The following SEC14L1 variants were observed in gnomAD, a reference collection of about 807,000 sequenced individuals.
The protein encoded by SEC14L1 is SEC14 like lipid binding 1, also known as SEC14-like protein 1.
A neutral mutation model predicts 85.3 loss-of-function variants in SEC14L1; 48 were observed. The observed-to-expected ratio is 0.56, with a 90% CI of 0.45 to 0.72. The LOEUF (loss-of-function observed/expected upper bound fraction) is 0.72, where lower values mean the gene tolerates loss of function less well. Among genes scored for constraint, SEC14L1 ranks in the 30% least tolerant of loss-of-function variants. SEC14L1 has a pLI of 0.00. For synonymous variants in SEC14L1, 391 were observed against 355.5 expected (o/e 1.10, Z -1.12); for missense variants, 682 against 921.4 (o/e 0.74, Z 3.36).
chr17:77,150,802 C>T (rs1230657082), intron 3 of SEC14L1, among the ~76,000 whole-genome samples: 2 of 152,206 alleles, frequency 1.3e-5, no homozygotes, highest in African/African-American at 4.8e-5. Flanking sequence ...CATCCATCCG[C>T]CCACCCGTAC....
At chr17:77,174,036 G>T (rs751238390) in intron 3 of SEC14L1, among the ~76,000 whole-genome samples, 1 of 151,986 alleles carries the variant, frequency 6.6e-6, no homozygotes, top group Non-Finnish European at 1.5e-5. Context: ...AAGTAGCTGG[G>T]ACTACAGGCA....
chr17:77,118,587 G>A (rs1031585970), intron 3 of SEC14L1, among the ~76,000 whole-genome samples: 1 of 152,210 alleles, frequency 6.6e-6, no homozygotes. Flanking sequence ...TCCAATGTAC[G>A]GAGCACTCCA....
intron 3 of SEC14L1, among the ~76,000 whole-genome samples, chr17:77,180,201 T>G (rs1170437000): frequency 6.6e-6 from 1 of 151,620 alleles, no homozygotes. Context: ...CCTCCTGGTT[T>G]CAAGCGATTC....
chr17:77,162,381 AT>A (rs1490620677), intron 3 of SEC14L1, among the ~76,000 whole-genome samples: 2 of 152,344 alleles, frequency 1.3e-5, no homozygotes, highest in East Asian at 3.9e-4. Flanking sequence ...TTTGACAGCC[AT>A]TTTAATTGAA....
intron 3 of SEC14L1, among the ~76,000 whole-genome samples, chr17:77,115,931 T>TA: frequency 7.0e-6 from 1 of 143,542 alleles, no homozygotes; most frequent in South Asian, 2.2e-4. Flanking sequence ...TTTTTTTTTT[T>TA]AAATTTTGAG....
intron 3 of SEC14L1, among the ~76,000 whole-genome samples, chr17:77,163,022 C>T (rs983905337): frequency 3.9e-5 from 6 of 152,056 alleles, no homozygotes; most frequent in African/African-American, 7.2e-5. Flanking sequence ...CAGGGGAGTT[C>T]GGTATGCCAT....
chr17:77,137,310 C>G (rs866289414), upstream of SEC14L1, among the ~76,000 whole-genome samples: 6 of 152,120 alleles, frequency 3.9e-5, no homozygotes, highest in Non-Finnish European at 8.8e-5. Flanking sequence ...TGCTTAGCTT[C>G]TGGTGAAGCC....
At chr17:77,205,593 C>G (rs933598403) in intron 11 of SEC14L1, among the ~76,000 whole-genome samples, 7 of 152,160 alleles carry the variant, frequency 4.6e-5, no homozygotes, top group Non-Finnish European at 8.8e-5. Context: ...CGCAGGAGCC[C>G]AGGGCTGCAG....
At chr17:77,205,379 T>TA (rs1210656625) in intron 11 of SEC14L1, 33 bp downstream of exon 11, 1 of 1,552,818 alleles carries the variant, frequency 6.4e-7, no homozygotes. Context: ...CCTTTCAACT[T>TA]ACTGAGAAAA....
chr17:77,211,792 G>T, intron 14 of SEC14L1, 158 bp from the exon 15 acceptor site: 7 of 900,260 alleles, frequency 7.8e-6, no homozygotes, highest in Non-Finnish European at 1.2e-5. Context: ...GGATGGTGGT[G>T]TGTGACTCTG....
At chr17:77,201,555 A>G (rs1382636269) in intron 9 of SEC14L1, among the ~76,000 whole-genome samples, 1 of 151,788 alleles carries the variant, frequency 6.6e-6, no homozygotes, top group African/African-American at 2.4e-5. Flanking sequence ...GGTTCAAGCA[A>G]TTCTCCCGCC....
rs1031511503 is a variant in SEC14L1 at position 77,151,240 on chromosome 17, A to G, written c.63+7581A>G. ...TATGACATATAAAAGGACCTGGTCA[A>G]TCAGTGGGAGACTGTGCTGCCCTCG... is the stretch of plus-strand genomic sequence containing the variant. On this transcript the variant is annotated intron_variant, in intron 3 of 16. Transcript: ENST00000436233. Among the ~76,000 whole-genome samples, 5 of 152,312 alleles carry G rather than the reference A, an allele frequency of 3.3e-5. No homozygotes were observed. In the East Asian group the frequency reaches 5.8e-4, roughly 18 times the overall value.
rs995688538 is a variant in SEC14L1, at chr17:77,140,978, C to T, written c.-265C>T. On this transcript the variant is annotated 5_prime_UTR_variant, in exon 1 of 17. Transcript: ENST00000436233. ...CGCGCCCCTTCCCCCTCCCGCCTCC[C>T]CGGCCCCCTCCCCGGAACCGGCGGT... The T allele has an allele frequency of 1.6e-4, 24 of 151,960 alleles. No individual in the cohort carries two copies. Among genetic ancestry groups the T allele is most frequent in the African/African-American group, 5.6e-4 (23 of 41,368 alleles). 9.4% of individuals were successfully genotyped at this position (151,960 alleles called of 1,614,324 possible). A position where few individuals can be genotyped will look rare whatever the true frequency, so the allele number is the denominator to read the frequency against.
chr17:77,092,972 AAGAAAG>A (rs1423888638), intron 2 of SEC14L1, among the ~76,000 whole-genome samples: 1 of 150,230 alleles, frequency 6.7e-6, no homozygotes, highest in Non-Finnish European at 1.5e-5. Flanking sequence ...AAAAAAAAAA[AAGAAAG>A]GGAAAGATGA....
rs1230599130 is a variant in SEC14L1 at position 77,198,296 on chromosome 17, A to G, written c.819+1985A>G. Among the ~76,000 whole-genome samples, 3 of 152,238 alleles carry G rather than the reference A, an allele frequency of 2.0e-5. No individual in the cohort carries two copies. The East Asian group carries it at 5.8e-4, about 29-fold the overall frequency. ...GTGAAGGGATTTCCTCAGTATTTAA[A>G]TAGAGTCATATGGCCAGTTATGTAA... is the stretch of plus-strand genomic sequence containing the variant. On this transcript the variant is annotated intron_variant, in intron 8 of 16. Transcript: ENST00000436233.
In SEC14L1 at chr17:77,200,897, C is replaced by CT. The variant is rs575044320; in HGVS notation, c.1009+227dup. ...CAGCCAGGAAGGGCCTGGGACTGCTCTTTCCTCATGGACACACGTCATCCT... is the reference window on the plus strand; with the variant it reads ...CAGCCAGGAAGGGCCTGGGACTGCTCTTTTCCTCATGGACACACGTCATCCT... On this transcript the variant is annotated intron_variant, in intron 9 of 16. Coordinates refer to ENST00000436233, the MANE Select transcript of SEC14L1 (RefSeq NM_001143998.2). Among the ~76,000 whole-genome samples the CT allele has an allele frequency of 1.3e-3, 202 of 152,350 alleles. 1 individual carries two copies. Among genetic ancestry groups the CT allele is most frequent in the African/African-American group, 4.7e-3 (195 of 41,586 alleles).
At chr17:77,145,215 A>G (rs964979443) in intron 3 of SEC14L1, among the ~76,000 whole-genome samples, 2 of 151,212 alleles carry the variant, frequency 1.3e-5, no homozygotes, top group African/African-American at 4.9e-5. Flanking sequence ...GCTGGTCTTG[A>G]ACTTCTGCCC....
intron 7 of SEC14L1, 102 bp downstream of exon 7, chr17:77,195,013 A>G (rs1480396949): frequency 3.8e-6 from 3 of 794,334 alleles, no homozygotes; most frequent in Non-Finnish European, 6.1e-6. Context: ...TTGGAACATT[A>G]GATAACTCAG....
intron 5 of SEC14L1, 98 bp from the exon 6 acceptor site, chr17:77,193,323 G>GT (rs1156234405): frequency 1.7e-6 from 2 of 1,165,256 alleles, no homozygotes; most frequent in East Asian, 2.5e-5. Flanking sequence ...TGTTAGTAAC[G>GT]TAAGTGTTTT....
Sources: gnomAD v4.1 joint callset for allele counts (sites outside exome capture counted in the v4.1 genomes callset) on GRCh38, gnomAD v4.1.1 for gene constraint, MANE v1.5 for transcripts, NCBI Gene and HGNC (gene_info 2026-07-23, HGNC 2026-07-21) for gene names.